RAB30: variants seen among roughly 807,000 people sequenced by gnomAD.
RAB30 encodes RAB30, member RAS oncogene family.
A neutral mutation model predicts 25.1 loss-of-function variants in RAB30; 9 were observed. The observed-to-expected ratio is 0.36, with a 90% CI of 0.22 to 0.63. The LOEUF is 0.63. Among genes scored for constraint, RAB30 ranks in the 20% least tolerant of loss-of-function variants. The pLI, the probability that RAB30 is intolerant of heterozygous loss-of-function variation, is 0.69. For missense variants in RAB30, 140 were observed against 243.5 expected, an observed-to-expected ratio of 0.58 and a Z score of 2.83; for synonymous variants, 77 against 86.4, an observed-to-expected ratio of 0.89 and a Z score of 0.60.
intron 1 of RAB30, among the ~76,000 whole-genome samples, chr11:83,027,468 A>G (rs962076782): frequency 5.9e-5 from 9 of 152,146 alleles, no homozygotes; most frequent in Non-Finnish European, 1.2e-4. Flanking sequence ...TTGCTGGTGA[A>G]TGTACCCAAG....
At chr11:83,043,023 G>A (rs1858161519) in intron 1 of RAB30, among the ~76,000 whole-genome samples, 1 of 152,156 alleles carries the variant, frequency 6.6e-6, no homozygotes, top group African/African-American at 2.4e-5. Context: ...GGGTATGATA[G>A]ATTGCAAAAA....
chr11:83,025,165 AT>A (rs1217355157), intron 1 of RAB30, among the ~76,000 whole-genome samples: 1 of 152,176 alleles, frequency 6.6e-6, no homozygotes, highest in Non-Finnish European at 1.5e-5. Context: ...TTCATATCTG[AT>A]TTTTTAACAA....
intron 1 of RAB30, among the ~76,000 whole-genome samples, chr11:83,055,361 T>G (rs1405666358): frequency 6.6e-6 from 1 of 152,228 alleles, no homozygotes; most frequent in Non-Finnish European, 1.5e-5. Flanking sequence ...ACACCCACAA[T>G]TATAGAACCA....
intron 1 of RAB30, among the ~76,000 whole-genome samples, chr11:83,049,262 T>A (rs1179228925): frequency 2.6e-5 from 4 of 151,682 alleles, no homozygotes; most frequent in Non-Finnish European, 5.9e-5. Context: ...AATACAAAAA[T>A]TAGCTTGGTG....
intron 1 of RAB30, among the ~76,000 whole-genome samples, chr11:83,021,146 T>A (rs1343364229): frequency 1.3e-5 from 2 of 152,194 alleles, no homozygotes; most frequent in Admixed American, 1.3e-4. Context: ...TATTGCTCAA[T>A]AAAGCTCCTC....
At chr11:83,030,270 G>A (rs1351971188) in intron 1 of RAB30, among the ~76,000 whole-genome samples, 2 of 151,920 alleles carry the variant, frequency 1.3e-5, no homozygotes, top group Non-Finnish European at 1.5e-5. Context: ...GCCAAAGCAG[G>A]AGGATCGCTT....
In RAB30 at chr11:82,982,423, A is replaced by C. The variant is rs1393717296; in HGVS notation, c.362-8T>G. The C allele has an allele frequency of 6.2e-7, 1 of 1,610,338 alleles. No individual in the cohort carries two copies. On this transcript the variant is annotated splice_polypyrimidine_tract_variant and splice_region_variant and intron_variant, in intron 4 of 4. Coordinates refer to ENST00000527633, the MANE Select transcript of RAB30 (RefSeq NM_001286060.2). ...CCAGGTCAATCTTGTTGCCTATAAC[A>C]GTAGTAAAATCAAATAAAGAATCAG...
intron 3 of RAB30, 33 bp downstream of exon 3, chr11:82,994,006 C>G: frequency 6.6e-7 from 1 of 1,515,986 alleles, no homozygotes; most frequent in Non-Finnish European, 9.2e-7. Flanking sequence ...TCACATAGCA[C>G]CTGACAACCT....
At chr11:83,015,640 T>C (rs1046601554) in intron 1 of RAB30, among the ~76,000 whole-genome samples, 2 of 152,196 alleles carry the variant, frequency 1.3e-5, no homozygotes, top group Admixed American at 6.5e-5. Flanking sequence ...TTTAAAGCCA[T>C]TGAATTATCA....
intron 1 of RAB30, among the ~76,000 whole-genome samples, chr11:83,025,037 T>A (rs1223506189): frequency 2.0e-5 from 3 of 152,208 alleles, no homozygotes; most frequent in Non-Finnish European, 4.4e-5. Context: ...CTATTTCTTT[T>A]CCCCTGGAGG....
At position 82,975,331 on chromosome 11, in the gene RAB30, G is replaced by T. The variant is rs747090693; in HGVS notation, c.*6834C>A. On this transcript the variant is annotated 3_prime_UTR_variant, in exon 5 of 5. Transcript: ENST00000527633. ...AAAAGACTTGTCAAGTTTTACTATT[G>T]TTATTTAATCCAGGCATAAATGTGT... 1.3e-5 allele frequency: 2 copies of T among 152,070 alleles called. No homozygotes were observed. Among genetic ancestry groups the T allele is most frequent in the African/African-American group, 4.8e-5 (2 of 41,428 alleles). 9.4% of individuals were successfully genotyped at this position (152,070 alleles called of 1,614,324 possible).
At chr11:83,014,966 T>G (rs995729424) in intron 1 of RAB30, among the ~76,000 whole-genome samples, 3 of 152,140 alleles carry the variant, frequency 2.0e-5, no homozygotes, top group East Asian at 3.8e-4. Flanking sequence ...GAGCTTGGCA[T>G]GTTCAAGGAA....
chr11:83,051,009 T>A (rs1858346590), intron 1 of RAB30, among the ~76,000 whole-genome samples: 1 of 152,226 alleles, frequency 6.6e-6, no homozygotes, highest in African/African-American at 2.4e-5. Flanking sequence ...GTTTTCTTCC[T>A]GGGCAAACAG....
intron 3 of RAB30, among the ~76,000 whole-genome samples, chr11:82,991,960 A>C (rs1856859480): frequency 6.6e-6 from 1 of 152,234 alleles, no homozygotes; most frequent in Non-Finnish European, 1.5e-5. Flanking sequence ...GAATTCAGGA[A>C]AGAAAAATAA....
intron 1 of RAB30, among the ~76,000 whole-genome samples, chr11:83,069,484 G>A (rs1232419444): frequency 3.9e-5 from 6 of 152,164 alleles, no homozygotes; most frequent in Non-Finnish European, 8.8e-5. Context: ...CAACCAGGGT[G>A]GGTGGGGAAC....
At chr11:83,061,704 T>C (rs1858583410) in intron 1 of RAB30, among the ~76,000 whole-genome samples, 1 of 131,262 alleles carries the variant, frequency 7.6e-6, no homozygotes, top group African/African-American at 2.8e-5. Flanking sequence ...TTTTTTTCTT[T>C]CTTTTCTTTT....
rs1237909794 is a variant in RAB30 at position 82,975,196 on chromosome 11, A to C, written c.*6969T>G. 6.6e-6 allele frequency: 1 copy of C among 152,220 alleles called. No homozygotes were observed. Among genetic ancestry groups the C allele is most frequent in the Non-Finnish European group, 1.5e-5 (1 of 68,008 alleles). 9.4% of individuals were successfully genotyped at this position (152,220 alleles called of 1,614,324 possible). On this transcript the variant is annotated 3_prime_UTR_variant, in exon 5 of 5. Coordinates refer to ENST00000527633, the MANE Select transcript of RAB30 (RefSeq NM_001286060.2). ...AATAAATCAATTAACATTCATTGTCAAATAACCTACAAGAAAGTTCCACTA... is the reference window on the plus strand; with the variant it reads ...AATAAATCAATTAACATTCATTGTCCAATAACCTACAAGAAAGTTCCACTA...
intron 1 of RAB30, among the ~76,000 whole-genome samples, chr11:83,036,744 C>T (rs1486958774): frequency 2.0e-5 from 3 of 152,060 alleles, no homozygotes; most frequent in Non-Finnish European, 2.9e-5. Context: ...TGAGCTGAGA[C>T]CTGAAAGATG....
In RAB30 at chr11:82,975,012, G is replaced by A. The variant is rs1360824048; in HGVS notation, c.*7153C>T. 1 of 143,218 alleles carries A rather than the reference G, an allele frequency of 7.0e-6. No homozygotes were observed. The highest frequency in any genetic ancestry group is 1.5e-5 in the Non-Finnish European group (1 of 66,484). 8.9% of individuals were successfully genotyped at this position (143,218 alleles called of 1,614,324 possible). A position where few individuals can be genotyped will look rare whatever the true frequency, so the allele number is the denominator to read the frequency against. The stretch of plus-strand genomic sequence containing the variant: ...GAGTTAGTTCAAATACATTTATGTA[G>A]CTCCCTTATATACTATCAAAGGAGC... On this transcript the variant is annotated 3_prime_UTR_variant, in exon 5 of 5. Transcript: ENST00000527633.
Sources: allele counts gnomAD v4.1 joint callset (sites outside exome capture counted in the v4.1 genomes callset), GRCh38; gene constraint gnomAD v4.1.1; transcripts MANE v1.5; gene names NCBI Gene and HGNC (gene_info 2026-07-23, HGNC 2026-07-21).